PCDHGB5: variants seen among roughly 807,000 people sequenced by gnomAD.
The protein encoded by PCDHGB5 is protocadherin gamma-B5.
A neutral mutation model predicts 62.9 loss-of-function variants in PCDHGB5; 48 were observed. The ratio of observed to expected loss-of-function variants is 0.76; its 90% CI spans 0.61 to 0.97. The LOEUF is 0.97. PCDHGB5 is among the 50% of genes least tolerant of loss of function. The pLI is 0.00. For synonymous variants in PCDHGB5, 474 were observed against 511.2 expected, an observed-to-expected ratio of 0.93 and a Z score of 0.98; for missense variants, 1,118 against 1,198.6, an observed-to-expected ratio of 0.93 and a Z score of 0.99.
intron 1 of PCDHGB5, chr5:141,408,828 G>C: frequency 6.2e-7 from 1 of 1,613,614 alleles, no homozygotes; most frequent in East Asian, 2.2e-5. Context: ...AGATCTCATA[G>C]CTTGATATTG....
rs1281778338 is a variant in PCDHGB5, at chr5:141,512,281, G to A, written c.*1108G>A. ...TGGGTACTCCAGAGGTGCCACTGGTGGAAGGGTCAGCGGAGCCCCAGCAGG... is the reference window on the plus strand; with the variant it reads ...TGGGTACTCCAGAGGTGCCACTGGTAGAAGGGTCAGCGGAGCCCCAGCAGG... On this transcript the variant is annotated 3_prime_UTR_variant, in exon 4 of 4. Transcript: ENST00000617380. 6.5e-6 allele frequency: 1 copy of A among 152,810 alleles called. No homozygotes were observed. Among genetic ancestry groups the A allele is most frequent in the Non-Finnish European group, 1.5e-5 (1 of 68,178 alleles). The allele number at this position is 152,810 out of a possible 1,614,324, so 9.5% of individuals were successfully genotyped here.
At chr5:141,479,084 G>A (rs749298402) in intron 1 of PCDHGB5, among the ~76,000 whole-genome samples, 19 of 152,016 alleles carry the variant, frequency 1.2e-4, no homozygotes, top group Non-Finnish European at 1.9e-4. Flanking sequence ...GAAATTCCAG[G>A]CATCCTTTAA....
chr5:141,399,515 C>A lies in PCDHGB5; in HGVS notation c.1388C>A (p.Pro463His). Residue 463 changes from proline (P) to histidine (H), a missense_variant, in exon 1 of 4, where the codon CCT becomes CAT. Transcript: ENST00000617380. ...YLVSVPENNP[P>H]GASIAQVCAS... The stretch of plus-strand genomic sequence containing the variant: ...GTCAGTGTACCCGAAAACAACCCTC[C>A]TGGGGCCTCCATCGCGCAAGTCTGC... The A allele has an allele frequency of 8.1e-6, 13 of 1,614,040 alleles. No individual in the cohort carries two copies. Among genetic ancestry groups the A allele is most frequent in the Non-Finnish European group, 1.1e-5 (13 of 1,179,900 alleles).
intron 1 of PCDHGB5, among the ~76,000 whole-genome samples, chr5:141,454,596 G>C (rs1184158084): frequency 1.3e-5 from 2 of 151,324 alleles, no homozygotes; most frequent in Non-Finnish European, 2.9e-5. Flanking sequence ...AGTAGAGACA[G>C]GGTTTCTCCA....
intron 1 of PCDHGB5, chr5:141,410,847 GTCT>G: frequency 6.3e-6 from 1 of 158,248 alleles, no homozygotes. Context: ...TTTTGTCTTT[GTCT>G]TTTTTTTTTT....
In PCDHGB5 at chr5:141,476,585, G is replaced by C; in HGVS notation, c.2398-18222G>C. 6.2e-7 allele frequency: 1 copy of C among 1,614,214 alleles called. No homozygotes were observed. The highest frequency in any genetic ancestry group is 8.5e-7 in the Non-Finnish European group (1 of 1,180,040). On this transcript the variant is annotated intron_variant, in intron 1 of 3. Coordinates refer to ENST00000617380, the MANE Select transcript of PCDHGB5 (RefSeq NM_018925.3). The surrounding 1 kb of genome is among the most constrained non-coding windows in gnomAD (Gnocchi z 7.6). ...GGCTCCGGGGACGCGCTTTCCGCTC[G>C]AGAGCGCGCACGATCCCGATGTGGG...
chr5:141,432,665 G>A lies in PCDHGB5; in HGVS notation c.2397+32141G>A. 1 of 1,613,896 alleles carries A rather than the reference G, an allele frequency of 6.2e-7. No individual in the cohort carries two copies. Among genetic ancestry groups the A allele is most frequent in the Non-Finnish European group, 8.5e-7 (1 of 1,179,956 alleles). On this transcript the variant is annotated intron_variant, in intron 1 of 3. Coordinates refer to ENST00000617380, the MANE Select transcript of PCDHGB5 (RefSeq NM_018925.3). The surrounding 1 kb of genome is among the most constrained non-coding windows in gnomAD (Gnocchi z 6.0). ...CACGGCGCGAGCCCTGCTGGACAGA[G>A]ACGCGCTCAAGCAGAGCCTCGTAGT... is the stretch of plus-strand genomic sequence containing the variant.
intron 1 of PCDHGB5, among the ~76,000 whole-genome samples, chr5:141,468,281 C>T (rs568875291): frequency 6.8e-6 from 1 of 147,354 alleles, no homozygotes; most frequent in African/African-American, 2.5e-5. Flanking sequence ...GCCGAGACCA[C>T]GCCATTGCAC....
chr5:141,422,655 C>T (rs188587553), intron 1 of PCDHGB5: 2 of 1,610,120 alleles, frequency 1.2e-6, no homozygotes, highest in Admixed American at 3.3e-5. Flanking sequence ...TCTCAGTGAC[C>T]GCCCTCGACC....
chr5:141,478,752 G>A (rs2099475483), intron 1 of PCDHGB5: 2 of 1,521,420 alleles, frequency 1.3e-6, no homozygotes, highest in South Asian at 1.3e-5. Context: ...CATTTCAGGG[G>A]GAAGATACTT....
chr5:141,406,620 C>T (rs1355085005), intron 1 of PCDHGB5, among the ~76,000 whole-genome samples: 1 of 152,148 alleles, frequency 6.6e-6, no homozygotes, highest in Non-Finnish European at 1.5e-5. Flanking sequence ...CTTTTATTCT[C>T]ATATCTTCAA....
chr5:141,413,574 T>C (rs773380895), intron 1 of PCDHGB5: 12 of 1,613,714 alleles, frequency 7.4e-6, no homozygotes, highest in Admixed American at 1.7e-5. Flanking sequence ...TCAATGACAA[T>C]GCTCCAAAAT....
Position 141,493,836 on chromosome 5 carries a change from A to G in PCDHGB5, c.2398-971A>G, listed in dbSNP as rs1411929024. Among the ~76,000 whole-genome samples the G allele has an allele frequency of 6.6e-6, 1 of 152,194 alleles. No individual in the cohort carries two copies. Among genetic ancestry groups the G allele is most frequent in the Non-Finnish European group, 1.5e-5 (1 of 68,038 alleles). On this transcript the variant is annotated intron_variant, in intron 1 of 3. Transcript: ENST00000617380. This position sits in a 1 kb window ranked among gnomAD's most constrained non-coding sequence, Gnocchi z 4.3. ...ACACTCTCTGCTTCTGGGAGCAAGT[A>G]TGAGTATTAATTACCAGCCCACCCC...
chr5:141,418,599 A>C, intron 1 of PCDHGB5: 2 of 1,614,054 alleles, frequency 1.2e-6, no homozygotes. Context: ...CAGGACGTGT[A>C]CAGGGTTAGC....
At position 141,403,603 on chromosome 5, in the gene PCDHGB5, C is replaced by T. The variant is rs2094431906; in HGVS notation, c.2397+3079C>T. On this transcript the variant is annotated intron_variant, in intron 1 of 3. Coordinates refer to ENST00000617380, the MANE Select transcript of PCDHGB5 (RefSeq NM_018925.3). ...ACCTGGTCCTCACGGCCTCGGATGG[C>T]GGCGAGCCGCGTCGCTCCAGCACAG... 4 of 1,613,762 alleles carry T rather than the reference C, an allele frequency of 2.5e-6. No individual in the cohort carries two copies. The East Asian group carries it at 8.9e-5, about 36-fold the overall frequency.
chr5:141,505,246 G>GAAGT, intron 2 of PCDHGB5, 147 bp from the exon 3 acceptor site: 3 of 1,436,674 alleles, frequency 2.1e-6, no homozygotes, highest in Non-Finnish European at 2.8e-6. Context: ...AAGGATTGTA[G>GAAGT]AAGTGCCTCC....
In PCDHGB5 at chr5:141,432,122, G is replaced by C; in HGVS notation, c.2397+31598G>C. On this transcript the variant is annotated intron_variant, in intron 1 of 3. Transcript: ENST00000617380. This position sits in a 1 kb window ranked among gnomAD's most constrained non-coding sequence, Gnocchi z 6.0. ...CGACAACCCGCCGGTCTTCCCTCAG[G>C]CCTCCTATTCCGCTTATATCCCAGA... 6.2e-7 allele frequency: 1 copy of C among 1,614,052 alleles called. No homozygotes were observed. Among genetic ancestry groups the C allele is most frequent in the Non-Finnish European group, 8.5e-7 (1 of 1,180,022 alleles).
intron 1 of PCDHGB5, chr5:141,412,044 A>T (rs1403784619): frequency 6.6e-6 from 1 of 152,194 alleles, no homozygotes; most frequent in East Asian, 1.9e-4. Context: ...AAAGAAGTGA[A>T]CTTCTATACC....
At chr5:141,483,737 G>T (rs1052778197) in intron 1 of PCDHGB5, among the ~76,000 whole-genome samples, 1 of 152,102 alleles carries the variant, frequency 6.6e-6, no homozygotes, top group Admixed American at 6.5e-5. Flanking sequence ...TAGTCAAAAG[G>T]ATATTCCTGA....
Sources: allele counts gnomAD v4.1 joint callset (sites outside exome capture counted in the v4.1 genomes callset), GRCh38; gene constraint gnomAD v4.1.1; non-coding constraint Gnocchi (gnomAD v3.1); transcripts MANE v1.5; gene names NCBI Gene and HGNC (gene_info 2026-07-23, HGNC 2026-07-21).